Variants in CCBE1 observed in about 807,000 individuals in gnomAD.
The protein encoded by CCBE1 is collagen and calcium-binding EGF domain-containing protein 1.
A neutral mutation model predicts 50.0 loss-of-function variants in CCBE1; 37 were observed. The observed-to-expected ratio is 0.74, with a 90% CI of 0.57 to 0.97. The LOEUF is 0.97. Among genes scored for constraint, CCBE1 ranks in the 50% least tolerant of loss-of-function variants. The pLI is 0.00. For missense variants in CCBE1, 538 were observed against 523.8 expected (o/e 1.03, Z -0.26); for synonymous variants, 234 against 203.7 (o/e 1.15, Z -1.27).
intron 2 of CCBE1, among the ~76,000 whole-genome samples, chr18:59,671,440 G>A (rs1017857336): frequency 6.6e-6 from 1 of 151,536 alleles, no homozygotes; most frequent in Non-Finnish European, 1.5e-5. Context: ...CGAGGCTGCA[G>A]TGAGCCATGA....
intron 3 of CCBE1, among the ~76,000 whole-genome samples, chr18:59,479,885 A>C (rs1254026421): frequency 6.6e-6 from 1 of 152,252 alleles, no homozygotes; most frequent in Non-Finnish European, 1.5e-5. Flanking sequence ...GTTGGTTCTA[A>C]TTGTGTGTAA....
rs750000 is a variant in CCBE1, at chr18:59,448,332, A to G, written c.655-229T>C. ...CTCAGCTAGTTAGTAGGTGAGCTTA[A>G]ATAAGCTCCAGATGGCCTAGATATC... On this transcript the variant is annotated intron_variant, in intron 6 of 10. Coordinates refer to ENST00000439986, the MANE Select transcript of CCBE1 (RefSeq NM_133459.4). Among the ~76,000 whole-genome samples the G allele has an allele frequency of 0.27, 41,219 of 152,062 alleles. 6,172 individuals are homozygous for G. The highest frequency in any genetic ancestry group is 0.4 in the Middle Eastern group (116 of 292).
At chr18:59,529,184 A>G (rs544881131) in intron 2 of CCBE1, among the ~76,000 whole-genome samples, 1 of 151,832 alleles carries the variant, frequency 6.6e-6, no homozygotes, top group Non-Finnish European at 1.5e-5. Context: ...AAATCCCCAC[A>G]GGGAGGCCCT....
intron 3 of CCBE1, among the ~76,000 whole-genome samples, chr18:59,478,200 C>T (rs1912402021): frequency 6.6e-6 from 1 of 152,156 alleles, no homozygotes; most frequent in Non-Finnish European, 1.5e-5. Flanking sequence ...TTTGGACTTG[C>T]ATCTCCACAA....
chr18:59,595,002 C>T (rs1384086058), intron 2 of CCBE1, among the ~76,000 whole-genome samples: 2 of 151,474 alleles, frequency 1.3e-5, no homozygotes, highest in Admixed American at 1.3e-4. Flanking sequence ...GTCCCAGCTA[C>T]TTGAGAGGCT....
At chr18:59,496,500 G>A (rs138465843) in intron 2 of CCBE1, among the ~76,000 whole-genome samples, 17 of 152,268 alleles carry the variant, frequency 1.1e-4, no homozygotes, top group African/African-American at 4.1e-4. Flanking sequence ...AGGAATTAGG[G>A]ATTGACAGGA....
At chr18:59,487,465 C>A (rs889213632) in intron 2 of CCBE1, among the ~76,000 whole-genome samples, 1 of 148,308 alleles carries the variant, frequency 6.7e-6, no homozygotes, top group Non-Finnish European at 1.5e-5. Flanking sequence ...TTTTACACTA[C>A]ATCCCCCAAG....
At chr18:59,538,305 G>T (rs1389458288) in intron 2 of CCBE1, among the ~76,000 whole-genome samples, 1 of 152,158 alleles carries the variant, frequency 6.6e-6, no homozygotes, top group Admixed American at 6.5e-5. Flanking sequence ...ATGCACATTT[G>T]TTTCCTCTTA....
At chr18:59,681,603 C>A (rs2054589247) in intron 2 of CCBE1, among the ~76,000 whole-genome samples, 1 of 152,192 alleles carries the variant, frequency 6.6e-6, no homozygotes, top group Admixed American at 6.5e-5. Context: ...CAGTGAAATG[C>A]GAGCCAGCCA....
At chr18:59,489,563 G>C (rs941913934) in intron 2 of CCBE1, among the ~76,000 whole-genome samples, 1 of 152,022 alleles carries the variant, frequency 6.6e-6, no homozygotes, top group African/African-American at 2.4e-5. Flanking sequence ...ACTGGGATGT[G>C]CCACCATACC....
chr18:59,647,089 T>C (rs2054064421), intron 2 of CCBE1, among the ~76,000 whole-genome samples: 2 of 152,246 alleles, frequency 1.3e-5, no homozygotes, highest in African/African-American at 4.8e-5. Context: ...AAAAAGCTGA[T>C]GCTACACTCA....
chr18:59,667,332 C>T (rs1050043097), intron 2 of CCBE1, among the ~76,000 whole-genome samples: 1 of 152,168 alleles, frequency 6.6e-6, no homozygotes, highest in African/African-American at 2.4e-5. Flanking sequence ...AAGGATTGTA[C>T]ACTGCAGAAA....
intron 2 of CCBE1, among the ~76,000 whole-genome samples, chr18:59,513,241 G>A (rs1914212598): frequency 1.3e-5 from 2 of 152,222 alleles, no homozygotes. Context: ...CGGGGAAGCA[G>A]AGATTGTAGT....
At chr18:59,694,497 T>G (rs893668048) in intron 2 of CCBE1, among the ~76,000 whole-genome samples, 1 of 152,200 alleles carries the variant, frequency 6.6e-6, no homozygotes, top group Admixed American at 6.5e-5. Flanking sequence ...GCATGCGTCC[T>G]GGGGATGAGG....
At chr18:59,645,201 C>T (rs2054040533) in intron 2 of CCBE1, among the ~76,000 whole-genome samples, 1 of 151,964 alleles carries the variant, frequency 6.6e-6, no homozygotes, top group Non-Finnish European at 1.5e-5. Context: ...TGCACTCCAG[C>T]CTGGAAACAG....
At position 59,545,613 on chromosome 18, in the gene CCBE1, T is replaced by A. The variant is rs563984595; in HGVS notation, c.213-65375A>T. On this transcript the variant is annotated intron_variant, in intron 2 of 10. Transcript: ENST00000439986. ...GCAATTACAAATAATGAAATACCAA[T>A]GATAAGGTTTGGCTGTGTCCACACC... 6.6e-5 allele frequency among the ~76,000 whole-genome samples: 10 copies of A among 152,360 alleles called. No homozygotes were observed. In the East Asian group the frequency reaches 1.9e-3, roughly 29 times the overall value.
Position 59,435,815 on chromosome 18 carries a change from T to G in CCBE1, c.*93A>C, listed in dbSNP as rs1283535804. 1 of 1,093,298 alleles carries G rather than the reference T, an allele frequency of 9.1e-7. No homozygotes were observed. Among genetic ancestry groups the G allele is most frequent in the Non-Finnish European group, 1.4e-6 (1 of 706,396 alleles). The allele number at this position is 1,093,298 out of a possible 1,614,324, so 67.7% of individuals were successfully genotyped here. Reference sequence around the variant, plus strand: ...GAAGAGAAGAGAAAAATGTATGTTTTCTAGGTCTCCAGTGGTCTTTCTTCT... The same window carrying G: ...GAAGAGAAGAGAAAAATGTATGTTTGCTAGGTCTCCAGTGGTCTTTCTTCT... On this transcript the variant is annotated 3_prime_UTR_variant, in exon 11 of 11. Coordinates refer to ENST00000439986, the MANE Select transcript of CCBE1 (RefSeq NM_133459.4).
Position 59,696,678 on chromosome 18 carries a change from T to C in CCBE1, c.163A>G (p.Thr55Ala). 6.2e-7 allele frequency: 1 copy of C among 1,614,054 alleles called. No individual in the cohort carries two copies. Among genetic ancestry groups the C allele is most frequent in the Non-Finnish European group, 8.5e-7 (1 of 1,179,954 alleles). ...GAAGACTTCAGACACGGGTATTTAG[T>C]CGTCGCGATTTTGCTCTCTGAGCAG... Reference protein sequence around the residue: ...EICSESKIATTKYPCLKSSGE... With the variant: ...EICSESKIATAKYPCLKSSGE... Residue 55 changes from threonine to alanine, a missense_variant, in exon 2 of 11, where the codon ACT becomes GCT. Transcript: ENST00000439986.
At chr18:59,585,644 C>T (rs12606249) in intron 2 of CCBE1, among the ~76,000 whole-genome samples, 1,662 of 152,218 alleles carry the variant, frequency 0.011, 23 homozygotes, top group East Asian at 0.032. Context: ...ACTTTTTAGC[C>T]ATCATAAACC....
Sources: gnomAD v4.1 joint callset for allele counts (sites outside exome capture counted in the v4.1 genomes callset) on GRCh38, gnomAD v4.1.1 for gene constraint, MANE v1.5 for transcripts, NCBI Gene and HGNC (gene_info 2026-07-23, HGNC 2026-07-21) for gene names.